The following BSN variants were observed in gnomAD, a reference collection of about 807,000 sequenced individuals.
BSN encodes the protein protein bassoon.
In BSN, 57 loss-of-function variants were observed where a neutral mutation model predicts 264.8. That is an observed-to-expected ratio of 0.22 (90% CI 0.17 to 0.27). BSN has a LOEUF of 0.27. Among genes scored for constraint, BSN ranks in the 10% least tolerant of loss-of-function variants. The probability of loss-of-function intolerance (pLI) is 1.00; values close to 1 mark genes in which losing one functional copy is unlikely to be tolerated. For synonymous variants in BSN, 2,059 were observed against 2,137.3 expected (o/e 0.96, Z 1.01); for missense variants, 4,615 against 5,232.5 (o/e 0.88, Z 3.64).
chr3:49,661,022 A>G lies in BSN; in HGVS notation c.9177A>G (p.Pro3059=). The change falls in exon 6 of 12, where the codon CCA becomes CCG. Residue 3059 remains proline, a synonymous_variant. Coordinates refer to ENST00000296452, the MANE Select transcript of BSN (RefSeq NM_003458.4). ...TAFQQPRFQP[P]APQYSAGSGG... is the part of the protein sequence containing the mutation. The stretch of plus-strand genomic sequence containing the variant: ...TCCAGCAGCCCCGCTTCCAGCCTCC[A>G]GCCCCACAGTATTCTGCAGGCAGTG... 1 of 1,610,964 alleles carries G rather than the reference A, an allele frequency of 6.2e-7. No homozygotes were observed. The highest frequency in any genetic ancestry group is 8.5e-7 in the Non-Finnish European group (1 of 1,179,790).
Position 49,625,141 on chromosome 3 carries a change from G to A in BSN, c.391G>A (p.Val131Ile). 3 of 1,590,010 alleles carry A rather than the reference G, an allele frequency of 1.9e-6. No individual in the cohort carries two copies. The South Asian group carries it at 3.4e-5, about 18-fold the overall frequency. ...TGATGGTCCCCGCAGGACGCTGCAG[G>A]TAGACAGCAGGACACAGAGATCAGG... ...EADGPRRTLQ[V>I]DSRTQRSGRS... Residue 131 changes from valine to isoleucine, a missense_variant, in exon 2 of 12, where the codon GTA becomes ATA. Physicochemically the swap from Val to Ile is conservative, Grantham distance 29. This residue lies in a region of BSN where 1,197 missense variants were observed against 1,348.0 expected (regional missense o/e 0.89). Coordinates refer to ENST00000296452, the MANE Select transcript of BSN (RefSeq NM_003458.4). This position sits in a 1 kb window ranked among gnomAD's most constrained non-coding sequence, Gnocchi z 4.4.
At position 49,596,158 on chromosome 3, in the gene BSN, A is replaced by G. The variant is rs1305144825; in HGVS notation, c.225-28817A>G. Among the ~76,000 whole-genome samples, 3 of 152,144 alleles carry G rather than the reference A, an allele frequency of 2.0e-5. No individual in the cohort carries two copies. In the East Asian group the frequency reaches 5.8e-4, roughly 29 times the overall value. On this transcript the variant is annotated intron_variant, in intron 1 of 11. Transcript: ENST00000296452. ...GGTGGCTCATGCCTGTAATCTCAGC[A>G]TTTTGGGAGGCCGAGGTGGGTGGAT...
chr3:49,658,235 C>G, intron 5 of BSN, 39 bp downstream of exon 5: 1 of 1,495,608 alleles, frequency 6.7e-7, no homozygotes, highest in South Asian at 1.4e-5. Context: ...GGACAGGGGT[C>G]TCTGCCTAGC....
intron 1 of BSN, among the ~76,000 whole-genome samples, chr3:49,562,141 A>G (rs937357742): frequency 4.6e-5 from 7 of 152,182 alleles, no homozygotes; most frequent in Non-Finnish European, 1.0e-4. Context: ...CCTCCTATCT[A>G]ACTGAAACAT....
intron 1 of BSN, among the ~76,000 whole-genome samples, chr3:49,561,034 A>G (rs937752540): frequency 6.6e-6 from 1 of 152,170 alleles, no homozygotes; most frequent in Non-Finnish European, 1.5e-5. Flanking sequence ...ACGGGCACAT[A>G]GGGTTCTAAA....
intron 1 of BSN, among the ~76,000 whole-genome samples, chr3:49,556,049 A>G (rs538175085): frequency 6.6e-6 from 1 of 152,316 alleles, no homozygotes; most frequent in South Asian, 2.1e-4. Flanking sequence ...TCCATTTTAT[A>G]CTAGCTATAA....
At chr3:49,604,612 C>G (rs1470315549) in intron 1 of BSN, among the ~76,000 whole-genome samples, 1 of 152,128 alleles carries the variant, frequency 6.6e-6, no homozygotes, top group Non-Finnish European at 1.5e-5. Flanking sequence ...ACCCATTCAT[C>G]TATCAGTGGA....
Position 49,638,569 on chromosome 3 carries a change from G to A in BSN, c.634-3699G>A, listed in dbSNP as rs2052437095. Among the ~76,000 whole-genome samples the A allele has an allele frequency of 6.6e-6, 1 of 152,234 alleles. No homozygotes were observed. The highest frequency in any genetic ancestry group is 1.5e-5 in the Non-Finnish European group (1 of 68,044). ...GCCTGGGAGGGGCTGTGGGGAGGGT[G>A]CGGTCAAGGTTCCTTACCGTCTGGA... On this transcript the variant is annotated intron_variant, in intron 2 of 11. Coordinates refer to ENST00000296452, the MANE Select transcript of BSN (RefSeq NM_003458.4). The surrounding 1 kb of genome is among the most constrained non-coding windows in gnomAD (Gnocchi z 4.3).
rs767851519 is a variant in BSN, at chr3:49,652,371, A to G, written c.2815A>G (p.Thr939Ala). ...CTTCAAGACCATTGAGCTCAACAGC[A>G]CGGGAAGTTATGGTCATGAGTTGGA... Reference protein sequence around the residue: ...RRFKTIELNSTGSYGHELDLG... With the variant: ...RRFKTIELNSAGSYGHELDLG... The change falls in exon 5 of 12, where the codon ACG (threonine) becomes GCG (alanine). Residue 939 changes from threonine (T) to alanine (A), a missense_variant. Thr to Ala is a moderately conservative substitution (Grantham distance 58, BLOSUM62 0). Coordinates refer to ENST00000296452, the MANE Select transcript of BSN (RefSeq NM_003458.4). 1.2e-6 allele frequency: 2 copies of G among 1,607,666 alleles called. No homozygotes were observed. Among genetic ancestry groups the G allele is most frequent in the Admixed American group, 3.4e-5 (2 of 59,288 alleles).
At position 49,642,902 on chromosome 3, in the gene BSN, G is replaced by T; in HGVS notation, c.1268G>T (p.Gly423Val). ...KTEPGARMGP[G>V]SGPGALPKTG... ...GAGCCTGGGGCTAGAATGGGTCCTG[G>T]ATCTGGACCTGGAGCCCTGCCGAAA... The change falls in exon 3 of 12, where the codon GGA becomes GTA. Residue 423 changes from glycine (G) to valine (V), a missense_variant. Around this residue, in one of 3 missense-constraint regions of BSN, gnomAD observed 1,197 missense variants for 1,348.0 expected, o/e 0.89. Transcript: ENST00000296452. This position sits in a 1 kb window ranked among gnomAD's most constrained non-coding sequence, Gnocchi z 7.0. 1 of 1,613,996 alleles carries T rather than the reference G, an allele frequency of 6.2e-7. No individual in the cohort carries two copies. Among genetic ancestry groups the T allele is most frequent in the Non-Finnish European group, 8.5e-7 (1 of 1,180,008 alleles).
At chr3:49,633,363 A>C (rs1177620149) in intron 2 of BSN, among the ~76,000 whole-genome samples, 1 of 152,196 alleles carries the variant, frequency 6.6e-6, no homozygotes, top group Non-Finnish European at 1.5e-5. Context: ...GAGAAATTCA[A>C]ATTGAAACTA....
At chr3:49,598,023 C>T (rs2052039383) in intron 1 of BSN, among the ~76,000 whole-genome samples, 1 of 152,152 alleles carries the variant, frequency 6.6e-6, no homozygotes, top group Non-Finnish European at 1.5e-5. Flanking sequence ...TCTGATAAGA[C>T]ATTGTCATCA....
In BSN at chr3:49,579,986, C is replaced by T. The variant is rs1044355506; in HGVS notation, c.224+25160C>T. 1.4e-4 allele frequency among the ~76,000 whole-genome samples: 21 copies of T among 151,974 alleles called. No individual in the cohort carries two copies. The East Asian group carries it at 2.3e-3, about 17-fold the overall frequency. On this transcript the variant is annotated intron_variant, in intron 1 of 11. Transcript: ENST00000296452. ...ATATTAAATCCTTTCTATATGTCAC[C>T]GGATTTGTTTTGCTAGTAGTTGTTT...
intron 1 of BSN, 142 bp downstream of exon 1, chr3:49,554,968 G>C: frequency 2.1e-6 from 1 of 473,900 alleles, no homozygotes; most frequent in Non-Finnish European, 3.2e-6. Flanking sequence ...GCGTGAACTG[G>C]GTGGTCGCGG....
chr3:49,578,460 T>G (rs2051864660), intron 1 of BSN, among the ~76,000 whole-genome samples: 1 of 151,588 alleles, frequency 6.6e-6, no homozygotes, highest in South Asian at 2.1e-4. Context: ...CAGCCTGGAG[T>G]GCAGTGGTGC....
At position 49,653,402 on chromosome 3, in the gene BSN, G is replaced by A; in HGVS notation, c.3846G>A (p.Glu1282=). The part of the protein sequence containing the change: ...QASSRDLAFA[E]DKKKEKQFLN... ...CCTCACGAGACCTGGCTTTTGCTGA[G>A]GACAAAAAGAAGGAGAAGCAGTTTC... The change falls in exon 5 of 12, where the codon GAG becomes GAA. Residue 1282 remains glutamate (E), a synonymous_variant. Transcript: ENST00000296452. The surrounding 1 kb of genome is among the most constrained non-coding windows in gnomAD (Gnocchi z 6.3). The A allele has an allele frequency of 6.2e-7, 1 of 1,613,880 alleles. No individual in the cohort carries two copies. The highest frequency in any genetic ancestry group is 8.5e-7 in the Non-Finnish European group (1 of 1,180,012).
downstream of BSN, among the ~76,000 whole-genome samples, chr3:49,672,683 G>A (rs986648129): frequency 1.3e-5 from 2 of 150,694 alleles, no homozygotes; most frequent in Non-Finnish European, 2.9e-5. Flanking sequence ...GTTTCTCCAT[G>A]TTGGCCAAGC....
chr3:49,651,049 T>A lies in BSN; in HGVS notation c.1956T>A (p.Val652=). 1 of 1,612,734 alleles carries A rather than the reference T, an allele frequency of 6.2e-7. No individual in the cohort carries two copies. Among genetic ancestry groups the A allele is most frequent in the Non-Finnish European group, 8.5e-7 (1 of 1,179,650 alleles). The change falls in exon 4 of 12, where the codon GTT becomes GTA. Residue 652 remains valine (V), a synonymous_variant. Transcript: ENST00000296452. This position sits in a 1 kb window ranked among gnomAD's most constrained non-coding sequence, Gnocchi z 5.4. ...CTGCCACCCCTGTCGTCAAGGCTGT[T>A]CCAGAAGCCCCCAAGGGTGGGGAGG... ...AEPATPVVKA[V]PEAPKGGEAE...
intron 1 of BSN, among the ~76,000 whole-genome samples, chr3:49,596,793 T>C (rs145311943): frequency 1.8e-4 from 27 of 152,294 alleles, no homozygotes; most frequent in African/African-American, 5.8e-4. Flanking sequence ...CCTAAGTAGC[T>C]GGGACTACAG....
Sources: gnomAD v4.1 joint callset for allele counts (sites outside exome capture counted in the v4.1 genomes callset) on GRCh38, gnomAD v4.1.1 for gene constraint, gnomAD v4.1.1 regional missense constraint, Gnocchi (gnomAD v3.1) non-coding constraint, MANE v1.5 for transcripts, NCBI Gene and HGNC (gene_info 2026-07-23, HGNC 2026-07-21) for gene names.